The following SOX6 variants were observed in gnomAD, a reference collection of about 807,000 sequenced individuals.
SOX6 encodes transcription factor SOX-6.
A neutral mutation model predicts 97.8 loss-of-function variants in SOX6; 11 were observed. The ratio of observed to expected loss-of-function variants is 0.11; its 90% CI spans 0.07 to 0.19. The LOEUF (loss-of-function observed/expected upper bound fraction) is 0.19, where lower values mean the gene tolerates loss of function less well. Among genes scored for constraint, SOX6 ranks in the 10% least tolerant of loss-of-function variants. SOX6 has a pLI of 1.00. For missense variants in SOX6, 810 were observed against 1,039.5 expected (o/e 0.78, Z 3.04); for synonymous variants, 360 against 371.4 (o/e 0.97, Z 0.35).
intron 9 of SOX6, among the ~76,000 whole-genome samples, chr11:16,090,828 T>C (rs1249118770): frequency 3.9e-5 from 6 of 152,072 alleles, no homozygotes. Context: ...AGAAGTACTT[T>C]AGACAATAAA....
At position 16,434,626 on chromosome 11, in the gene SOX6, G is replaced by A. The variant is rs187919289; in HGVS notation, c.-5+41689C>T. Among the ~76,000 whole-genome samples the A allele has an allele frequency of 1.6e-3, 248 of 152,150 alleles. 1 individual carries two copies. Among genetic ancestry groups the A allele is most frequent in the Non-Finnish European group, 2.8e-3 (189 of 67,980 alleles). On this transcript the variant is annotated intron_variant, in intron 1 of 15. Transcript: ENST00000396356. ...TGTATCTGTCTCATCTTCCTCTCCA[G>A]CCTACAAAATTCTTTGACGTAAAAG...
intron 3 of SOX6, among the ~76,000 whole-genome samples, chr11:16,285,979 G>A (rs555897980): frequency 7.2e-5 from 11 of 152,026 alleles, no homozygotes; most frequent in Non-Finnish European, 1.5e-4. Flanking sequence ...AAATGAATAC[G>A]TTTCTATTAT....
rs114860677 is a variant in SOX6 at position 16,487,466 on chromosome 11, G to A, written n.610-11078C>T. Among the ~76,000 whole-genome samples the A allele has an allele frequency of 3.1e-3, 475 of 152,286 alleles. 4 individuals carry two copies. Among genetic ancestry groups the A allele is most frequent in the African/African-American group, 0.011 (448 of 41,548 alleles). On this transcript the variant is annotated intron_variant and non_coding_transcript_variant, in intron 4 of 5. Coordinates refer to the SOX6 transcript ENST00000524520. ...TAGATGCCATAGTTAGAAGAGTCTT[G>A]CATTTGCAGTGCACTATCATATCCA...
At chr11:16,459,890 A>C (rs1285722969) in intron 1 of SOX6, among the ~76,000 whole-genome samples, 1 of 152,014 alleles carries the variant, frequency 6.6e-6, no homozygotes, top group Non-Finnish European at 1.5e-5. Flanking sequence ...AGGGGCACGA[A>C]CAAAAATTTT....
At chr11:16,201,523 TATAG>T (rs1851937118) in intron 4 of SOX6, among the ~76,000 whole-genome samples, 2 of 150,298 alleles carry the variant, frequency 1.3e-5, no homozygotes, top group South Asian at 4.2e-4. Flanking sequence ...ATATTCTATA[TATAG>T]ATAGATATAA....
At chr11:16,196,037 G>T (rs932698033) in intron 4 of SOX6, among the ~76,000 whole-genome samples, 1 of 152,178 alleles carries the variant, frequency 6.6e-6, no homozygotes, top group African/African-American at 2.4e-5. Flanking sequence ...TTTCTAGGGT[G>T]TATTTACAAT....
intron 1 of SOX6, among the ~76,000 whole-genome samples, chr11:16,737,720 A>G (rs1368104742): frequency 6.6e-6 from 1 of 152,006 alleles, no homozygotes; most frequent in Non-Finnish European, 1.5e-5. Context: ...TTGAATCTGG[A>G]GAGAGGGCGA....
chr11:16,132,476 G>GA (rs755228255), intron 6 of SOX6, among the ~76,000 whole-genome samples: 2 of 146,020 alleles, frequency 1.4e-5, no homozygotes, highest in South Asian at 2.2e-4. Flanking sequence ...AAGAAAGAAA[G>GA]AAAGAAAGAA....
intron 1 of SOX6, among the ~76,000 whole-genome samples, chr11:16,390,609 C>A (rs1273121899): frequency 1.3e-5 from 2 of 152,182 alleles, no homozygotes; most frequent in Non-Finnish European, 2.9e-5. Context: ...TTCCTTTGAT[C>A]TGTTCAATGA....
intron 3 of SOX6, among the ~76,000 whole-genome samples, chr11:16,240,275 A>AGTGTGTGTGTGTGTGTGTGTGTGT: frequency 7.7e-6 from 1 of 129,056 alleles, no homozygotes; most frequent in Non-Finnish European, 1.6e-5. Context: ...TAGATAATAT[A>AGTGTGTGTGTGTGTGTGTGTGTGT]GTGTGTGTGT....
At chr11:16,071,779 A>G (rs951260482) in intron 9 of SOX6, among the ~76,000 whole-genome samples, 1 of 152,080 alleles carries the variant, frequency 6.6e-6, no homozygotes, top group South Asian at 2.1e-4. Flanking sequence ...AGACCAGAAC[A>G]CCTAACAAAA....
intron 15 of SOX6, among the ~76,000 whole-genome samples, chr11:15,978,636 T>G (rs1035868005): frequency 1.3e-5 from 2 of 150,976 alleles, no homozygotes; most frequent in Non-Finnish European, 2.9e-5. Flanking sequence ...CTTGGTGATT[T>G]CATCTAATTC....
At chr11:16,359,476 A>G (rs550823483), upstream of SOX6, among the ~76,000 whole-genome samples, 1 of 152,220 alleles carries the variant, frequency 6.6e-6, no homozygotes, top group East Asian at 1.9e-4. Flanking sequence ...TGAAAAAAAA[A>G]TCTCCAGTGG....
chr11:16,090,847 A>G (rs1338280500), intron 9 of SOX6, among the ~76,000 whole-genome samples: 3 of 152,100 alleles, frequency 2.0e-5, no homozygotes, highest in Non-Finnish European at 2.9e-5. Flanking sequence ...AATCTAGAGT[A>G]GAATTGACTG....
chr11:16,344,506 T>G (rs538156365), intron 1 of SOX6, among the ~76,000 whole-genome samples: 1 of 152,036 alleles, frequency 6.6e-6, no homozygotes, highest in South Asian at 2.1e-4. Context: ...TGGTAATGCC[T>G]TTACTATAAC....
At chr11:16,655,292 C>A (rs1428488757) in intron 3 of SOX6, among the ~76,000 whole-genome samples, 1 of 152,062 alleles carries the variant, frequency 6.6e-6, no homozygotes, top group East Asian at 1.9e-4. Context: ...ATACTTGATC[C>A]CAGCTAAATC....
At chr11:16,490,195 A>G (rs1860489623) in intron 4 of SOX6, among the ~76,000 whole-genome samples, 1 of 152,090 alleles carries the variant, frequency 6.6e-6, no homozygotes. Context: ...AGCAAAAGCA[A>G]TTATAGAAAT....
chr11:16,425,767 A>G (rs1859115436), intron 1 of SOX6, among the ~76,000 whole-genome samples: 1 of 152,136 alleles, frequency 6.6e-6, no homozygotes, highest in African/African-American at 2.4e-5. Context: ...GGAAGGTGAA[A>G]GATCTCTACA....
chr11:16,606,238 T>C (rs1400228356), intron 4 of SOX6, among the ~76,000 whole-genome samples: 1 of 151,916 alleles, frequency 6.6e-6, no homozygotes, highest in Non-Finnish European at 1.5e-5. Flanking sequence ...TTCTTTTTTT[T>C]TTTTCCTTTA....
Sources: gnomAD v4.1 joint callset for allele counts (sites outside exome capture counted in the v4.1 genomes callset) on GRCh38, gnomAD v4.1.1 for gene constraint, MANE v1.5 for transcripts, NCBI Gene and HGNC (gene_info 2026-07-23, HGNC 2026-07-21) for gene names.